PDZRN4: variants seen among roughly 807,000 people sequenced by gnomAD.
PDZRN4 encodes the protein PDZ domain-containing RING finger protein 4.
Under a neutral mutation model 99.0 loss-of-function variants are expected in PDZRN4, and 70 were observed. The observed-to-expected ratio is 0.71, with a 90% confidence interval of 0.58 to 0.86. The LOEUF (loss-of-function observed/expected upper bound fraction) is 0.86, where lower values mean the gene tolerates loss of function less well. PDZRN4 is among the 40% of genes least tolerant of loss of function. PDZRN4 has a pLI of 0.00. For synonymous variants in PDZRN4, 551 were observed against 501.6 expected (o/e 1.10, Z -1.32); for missense variants, 1,474 against 1,331.2 (o/e 1.11, Z -1.67).
rs1013701895 is a variant in PDZRN4, at chr12:41,188,399, G to T, written c.-57G>T. 15 of 1,442,074 alleles carry T rather than the reference G, an allele frequency of 1.0e-5. No homozygotes were observed. The African/African-American group carries it at 1.3e-4, about 13-fold the overall frequency. 89.3% of individuals were successfully genotyped at this position (1,442,074 alleles called of 1,614,324 possible). On this transcript the variant is annotated 5_prime_UTR_variant, in exon 1 of 10. Transcript: ENST00000402685. ...CCCGGGGGTGGCCCGGGGAAGGCAG[G>T]GGGGCTCGGAGAAGACGGACTCTGC...
chr12:41,465,683 A>G (rs1182933937), intron 3 of PDZRN4, among the ~76,000 whole-genome samples: 1 of 151,854 alleles, frequency 6.6e-6, no homozygotes. Flanking sequence ...TTATATCTGG[A>G]CAGTTGGGAA....
At chr12:41,488,217 G>A (rs754445261) in intron 3 of PDZRN4, among the ~76,000 whole-genome samples, 2 of 152,134 alleles carry the variant, frequency 1.3e-5, no homozygotes, top group Admixed American at 6.6e-5. Flanking sequence ...TGAAGTGTAC[G>A]GATAATCAAC....
At chr12:41,511,718 TATC>T (rs775954972) in intron 5 of PDZRN4, among the ~76,000 whole-genome samples, 4 of 152,160 alleles carry the variant, frequency 2.6e-5, no homozygotes, top group Non-Finnish European at 4.4e-5. Flanking sequence ...CTCAGTCTGT[TATC>T]ATTATGTGAC....
chr12:41,573,621 C>A lies in PDZRN4; in HGVS notation c.2842C>A (p.Gln948Lys). 6.2e-7 allele frequency: 1 copy of A among 1,614,036 alleles called. No homozygotes were observed. The highest frequency in any genetic ancestry group is 1.1e-5 in the South Asian group (1 of 91,080). Residue 948 changes from glutamine (Q) to lysine (K), a missense_variant, in exon 10 of 10, where the codon CAG becomes AAG. Physicochemically the swap from Gln to Lys is moderately conservative, Grantham distance 53. Transcript: ENST00000402685. ...GRYWSKEERK[Q>K]HLVRAKEQRR... ...CTACTGGAGCAAAGAGGAGAGAAAG[C>A]AGCACCTGGTTAGGGCCAAAGAGCA... is the stretch of plus-strand genomic sequence containing the variant.
chr12:41,282,690 A>AT lies in PDZRN4; in HGVS notation c.843+88503dup, dbSNP rs531386183. Among the ~76,000 whole-genome samples, 9 of 152,362 alleles carry AT rather than the reference A, an allele frequency of 5.9e-5. No homozygotes were observed. The East Asian group carries it at 1.7e-3, about 29-fold the overall frequency. The stretch of plus-strand genomic sequence containing the variant: ...AAACAGTCTCTCAGACCACGGTGAA[A>AT]TCAAACTAGAACTCAGGATTAAGAA... On this transcript the variant is annotated intron_variant, in intron 3 of 9. Coordinates refer to ENST00000402685, the MANE Select transcript of PDZRN4 (RefSeq NM_001164595.2).
chr12:41,485,286 C>A (rs1937752664), intron 3 of PDZRN4, among the ~76,000 whole-genome samples: 1 of 152,116 alleles, frequency 6.6e-6, no homozygotes, highest in South Asian at 2.1e-4. Flanking sequence ...AGGCAAAATG[C>A]ATTATTCTGT....
chr12:41,292,354 G>A (rs1951461855), intron 3 of PDZRN4, among the ~76,000 whole-genome samples: 1 of 152,156 alleles, frequency 6.6e-6, no homozygotes, highest in African/African-American at 2.4e-5. Flanking sequence ...GTTTCATGTT[G>A]CTGGAGAGCA....
intron 3 of PDZRN4, among the ~76,000 whole-genome samples, chr12:41,431,499 C>T (rs942381704): frequency 6.6e-6 from 1 of 152,168 alleles, no homozygotes; most frequent in Non-Finnish European, 1.5e-5. Context: ...CTTCATAGTT[C>T]ATGAATCTTC....
In PDZRN4 at chr12:41,263,412, C is replaced by T. The variant is rs564735213; in HGVS notation, c.843+69224C>T. On this transcript the variant is annotated intron_variant, in intron 3 of 9. Transcript: ENST00000402685. The stretch of plus-strand genomic sequence containing the variant: ...TACTAAAAATACAAAAATTAGCCAG[C>T]ATGGTGTTGCATGCCTGTAATCCCA... Among the ~76,000 whole-genome samples, 12 of 152,132 alleles carry T rather than the reference C, an allele frequency of 7.9e-5. No individual in the cohort carries two copies. The South Asian group carries it at 1.9e-3, about 24-fold the overall frequency.
At chr12:41,525,956 A>T (rs1351931584) in intron 5 of PDZRN4, among the ~76,000 whole-genome samples, 1 of 152,208 alleles carries the variant, frequency 6.6e-6, no homozygotes, top group African/African-American at 2.4e-5. Context: ...TTTTTAAAAA[A>T]TCTCATTTAT....
intron 3 of PDZRN4, among the ~76,000 whole-genome samples, chr12:41,454,617 G>A (rs1198774762): frequency 2.0e-5 from 3 of 152,142 alleles, no homozygotes; most frequent in Non-Finnish European, 2.9e-5. Context: ...ACATTCTTCC[G>A]GTGTGACACT....
At chr12:41,547,054 A>G (rs985498925) in intron 5 of PDZRN4, among the ~76,000 whole-genome samples, 5 of 152,210 alleles carry the variant, frequency 3.3e-5, no homozygotes, top group African/African-American at 1.2e-4. Context: ...TCAACATTCA[A>G]CTATGAAAAA....
At position 41,573,268 on chromosome 12, in the gene PDZRN4, T is replaced by G; in HGVS notation, c.2489T>G (p.Leu830Arg). The G allele has an allele frequency of 6.2e-7, 1 of 1,613,680 alleles. No homozygotes were observed. Among genetic ancestry groups the G allele is most frequent in the Non-Finnish European group, 8.5e-7 (1 of 1,179,992 alleles). ...GCAGTCAGCGAACACATCCCTTACC[T>G]CTCTCCTTACCACAGCTCCTCATAT... Reference protein sequence around the residue: ...EKAVSEHIPYLSPYHSSSYRY... With the variant: ...EKAVSEHIPYRSPYHSSSYRY... The change falls in exon 10 of 10, where the codon CTC (leucine) becomes CGC (arginine). Residue 830 changes from leucine (L) to arginine (R), a missense_variant. Coordinates refer to ENST00000402685, the MANE Select transcript of PDZRN4 (RefSeq NM_001164595.2).
intron 3 of PDZRN4, among the ~76,000 whole-genome samples, chr12:41,322,036 G>A (rs1371886344): frequency 2.0e-5 from 3 of 151,890 alleles, no homozygotes; most frequent in Non-Finnish European, 4.4e-5. Flanking sequence ...CTCAATTTTT[G>A]TTTTGTTTTG....
chr12:41,292,841 T>C (rs572883149), intron 3 of PDZRN4, among the ~76,000 whole-genome samples: 51 of 152,196 alleles, frequency 3.4e-4, no homozygotes, highest in Admixed American at 1.8e-3. Context: ...TTTTAGACTC[T>C]ATATTGACAA....
At chr12:41,429,489 C>A (rs897792982) in intron 3 of PDZRN4, among the ~76,000 whole-genome samples, 1 of 152,136 alleles carries the variant, frequency 6.6e-6, no homozygotes, top group South Asian at 2.1e-4. Context: ...TTGGGGAAAT[C>A]CTTACATCTC....
At chr12:41,570,724 A>C (rs7300778) in intron 9 of PDZRN4, among the ~76,000 whole-genome samples, 21,717 of 152,206 alleles carry the variant, frequency 0.14, 1,670 homozygotes, top group South Asian at 0.28. Context: ...GTGTAGTATA[A>C]AGACATTGCC....
intron 3 of PDZRN4, among the ~76,000 whole-genome samples, chr12:41,378,520 AT>A (rs71081733): frequency 0.087 from 8,909 of 102,868 alleles, 506 homozygotes; most frequent in African/African-American, 0.2. Context: ...TCTGTCTTCA[AT>A]TTTTTTTTTT....
At chr12:41,439,455 T>A (rs569776722) in intron 3 of PDZRN4, among the ~76,000 whole-genome samples, 1 of 152,122 alleles carries the variant, frequency 6.6e-6, no homozygotes, top group Non-Finnish European at 1.5e-5. Flanking sequence ...TTAATCTGAA[T>A]TACTAAATTT....
Sources: gnomAD v4.1 joint callset for allele counts (sites outside exome capture counted in the v4.1 genomes callset) on GRCh38, gnomAD v4.1.1 for gene constraint, MANE v1.5 for transcripts, NCBI Gene and HGNC (gene_info 2026-07-23, HGNC 2026-07-21) for gene names.